Variants in KAZN observed in about 807,000 individuals in gnomAD.
KAZN encodes kazrin, periplakin interacting protein.
A neutral mutation model predicts 87.4 loss-of-function variants in KAZN; 40 were observed. That is an observed-to-expected ratio of 0.46 (90% CI 0.36 to 0.60). KAZN has a LOEUF of 0.60. Ranked by LOEUF, KAZN falls within the 20% of genes least tolerant of loss-of-function variation. The pLI is 0.00. For missense variants in KAZN, 898 were observed against 1,073.9 expected, an observed-to-expected ratio of 0.84 and a Z score of 2.29; for synonymous variants, 466 against 458.3, an observed-to-expected ratio of 1.02 and a Z score of -0.22.
intron 1 of KAZN, chr1:14,924,522 C>T (rs1199695301): frequency 4.2e-5 from 42 of 1,008,396 alleles, no homozygotes; most frequent in Non-Finnish European, 5.0e-5. Context: ...GGCGATCGGC[C>T]CCGCGCCGGG....
intron 2 of KAZN, among the ~76,000 whole-genome samples, chr1:14,565,048 A>G (rs937420800): frequency 3.3e-5 from 5 of 152,168 alleles, no homozygotes; most frequent in African/African-American, 9.7e-5. Context: ...TGCATACACC[A>G]AAAGTGTATA....
At chr1:14,055,352 C>T (rs1570628432) in intron 1 of KAZN, among the ~76,000 whole-genome samples, 2 of 152,164 alleles carry the variant, frequency 1.3e-5, no homozygotes, top group East Asian at 3.9e-4. Context: ...GGCTCTGACA[C>T]ATGATTTAGA....
chr1:14,389,342 C>G (rs888918213), intron 2 of KAZN, among the ~76,000 whole-genome samples: 1 of 152,196 alleles, frequency 6.6e-6, no homozygotes, highest in Admixed American at 6.5e-5. Flanking sequence ...TTCAGCAATC[C>G]CACTCCTAGG....
intron 1 of KAZN, among the ~76,000 whole-genome samples, chr1:14,681,657 A>AT (rs570137678): frequency 5.9e-4 from 5 of 8,534 alleles, no homozygotes; most frequent in Non-Finnish European, 9.5e-4. Context: ...ATATATATAT[A>AT]TTTTTTTTTT....
At chr1:14,115,224 A>G (rs1472905504) in intron 1 of KAZN, among the ~76,000 whole-genome samples, 1 of 152,206 alleles carries the variant, frequency 6.6e-6, no homozygotes, top group East Asian at 1.9e-4. Flanking sequence ...GAGATACAAC[A>G]ATGTCTCTCA....
chr1:14,197,796 G>C (rs1282327707), intron 2 of KAZN, among the ~76,000 whole-genome samples: 1 of 152,184 alleles, frequency 6.6e-6, no homozygotes, highest in Non-Finnish European at 1.5e-5. Context: ...GGAAGGTCAG[G>C]CTGATAGATT....
At chr1:14,527,223 G>A (rs1302781911) in intron 2 of KAZN, among the ~76,000 whole-genome samples, 1 of 152,126 alleles carries the variant, frequency 6.6e-6, no homozygotes, top group Admixed American at 6.6e-5. Context: ...TTGTGTTGCT[G>A]TACAAGAATA....
chr1:14,378,786 C>T (rs1304386318), intron 2 of KAZN, among the ~76,000 whole-genome samples: 2 of 152,088 alleles, frequency 1.3e-5, no homozygotes, highest in African/African-American at 4.8e-5. Context: ...TGCTCTGAAA[C>T]TCTAAATAAA....
At chr1:13,903,735 G>A (rs1264272860) in intron 1 of KAZN, among the ~76,000 whole-genome samples, 2 of 152,198 alleles carry the variant, frequency 1.3e-5, no homozygotes, top group African/African-American at 2.4e-5. Context: ...TGCCAGGCTA[G>A]GGAATTAGAG....
chr1:14,986,982 C>CT (rs1666882231), intron 2 of KAZN, among the ~76,000 whole-genome samples: 1 of 131,274 alleles, frequency 7.6e-6, no homozygotes, highest in East Asian at 2.5e-4. Context: ...CAATTGACCT[C>CT]CGATGCATGC....
intron 2 of KAZN, among the ~76,000 whole-genome samples, chr1:14,198,627 T>C (rs1646577618): frequency 6.6e-6 from 1 of 152,058 alleles, no homozygotes; most frequent in South Asian, 2.1e-4. Flanking sequence ...AAGAAATTGA[T>C]GGTTGGGGCA....
chr1:14,999,502 C>A, intron 2 of KAZN, among the ~76,000 whole-genome samples: 1 of 130,314 alleles, frequency 7.7e-6, no homozygotes, highest in South Asian at 2.5e-4. Flanking sequence ...CTGCCCCCCT[C>A]CCCCCGCCCC....
intron 1 of KAZN, among the ~76,000 whole-genome samples, chr1:14,737,592 G>A (rs1425355748): frequency 6.6e-6 from 1 of 152,228 alleles, no homozygotes; most frequent in Non-Finnish European, 1.5e-5. Context: ...AGCTTCTGGA[G>A]TTCAGAAGTC....
chr1:14,430,204 C>T (rs2101375248), intron 2 of KAZN, among the ~76,000 whole-genome samples: 1 of 147,390 alleles, frequency 6.8e-6, no homozygotes, highest in Non-Finnish European at 1.5e-5. Context: ...ACCACCTCTG[C>T]CCTGCAACCA....
intron 1 of KAZN, among the ~76,000 whole-genome samples, chr1:14,123,887 T>G (rs1326311949): frequency 6.6e-6 from 1 of 152,142 alleles, no homozygotes; most frequent in Non-Finnish European, 1.5e-5. Flanking sequence ...CACCCTCTTT[T>G]GGGGCCTTTT....
At chr1:15,046,869 C>T (rs1355302264) in intron 4 of KAZN, among the ~76,000 whole-genome samples, 1 of 152,206 alleles carries the variant, frequency 6.6e-6, no homozygotes, top group Non-Finnish European at 1.5e-5. Flanking sequence ...GGAAAAGGCC[C>T]CTGTTCTCCC....
intron 1 of KAZN, among the ~76,000 whole-genome samples, chr1:13,993,905 C>T (rs1263940825): frequency 1.3e-5 from 2 of 152,126 alleles, no homozygotes; most frequent in African/African-American, 4.8e-5. Context: ...TATGTCAATC[C>T]CTTTAATAAG....
chr1:14,604,472 C>T (rs1677208770), intron 1 of KAZN, among the ~76,000 whole-genome samples: 1 of 152,172 alleles, frequency 6.6e-6, no homozygotes, highest in African/African-American at 2.4e-5. Flanking sequence ...GGAACGCCTT[C>T]TTCCTCCCCG....
At chr1:14,746,094 T>A (rs1644253444) in intron 1 of KAZN, among the ~76,000 whole-genome samples, 1 of 152,228 alleles carries the variant, frequency 6.6e-6, no homozygotes, top group Non-Finnish European at 1.5e-5. Context: ...ATGCCATTTA[T>A]GTCCACCTTA....
Sources: allele counts gnomAD v4.1 joint callset (sites outside exome capture counted in the v4.1 genomes callset), GRCh38; gene constraint gnomAD v4.1.1; transcripts MANE v1.5; gene names NCBI Gene and HGNC (gene_info 2026-07-23, HGNC 2026-07-21).